FNBP1: variants seen among roughly 807,000 people sequenced by gnomAD.
The protein encoded by FNBP1 is formin-binding protein 1.
A neutral mutation model predicts 90.6 loss-of-function variants in FNBP1; 26 were observed. That is an observed-to-expected ratio of 0.29 (90% CI 0.21 to 0.40). The LOEUF is 0.40. FNBP1 is among the 10% of genes least tolerant of loss of function. FNBP1 has a pLI of 1.00. For synonymous variants in FNBP1, 260 were observed against 265.2 expected (o/e 0.98, Z 0.19); for missense variants, 635 against 768.0 (o/e 0.83, Z 2.05).
chr9:129,988,914 G>GA (rs556201300), intron 2 of FNBP1, among the ~76,000 whole-genome samples: 1 of 151,860 alleles, frequency 6.6e-6, no homozygotes, highest in Admixed American at 6.6e-5. Flanking sequence ...CTGCAATGCA[G>GA]AAAAAAAATA....
rs558390436 is a variant in FNBP1, at chr9:129,890,370, G to T, written c.*169C>A. The T allele has an allele frequency of 3.2e-6, 2 of 623,858 alleles. No individual in the cohort carries two copies. The highest frequency in any genetic ancestry group is 5.7e-6 in the Non-Finnish European group (2 of 349,644). The allele number at this position is 623,858 out of a possible 1,614,324, so 38.6% of individuals were successfully genotyped here. ...CCCCACGAGGTGGCCCGGGCTGGGCGGGAGGGCAGGGCCGCAGGGAGCATG... is the reference window on the plus strand; with the variant it reads ...CCCCACGAGGTGGCCCGGGCTGGGCTGGAGGGCAGGGCCGCAGGGAGCATG... On this transcript the variant is annotated 3_prime_UTR_variant, in exon 17 of 17. Coordinates refer to ENST00000446176, the MANE Select transcript of FNBP1 (RefSeq NM_015033.3). This position sits in a 1 kb window ranked among gnomAD's most constrained non-coding sequence, Gnocchi z 5.8.
Position 129,909,734 on chromosome 9 carries a change from C to T in FNBP1, c.1186-735G>A, listed in dbSNP as rs143635647. Among the ~76,000 whole-genome samples, 109 of 152,302 alleles carry T rather than the reference C, an allele frequency of 7.2e-4. 1 individual carries two copies. The East Asian group carries it at 9.3e-3, about 13-fold the overall frequency. On this transcript the variant is annotated intron_variant, in intron 11 of 16. Coordinates refer to ENST00000446176, the MANE Select transcript of FNBP1 (RefSeq NM_015033.3). ...TGCCACCCAGGTTCAAGCGATTCTC[C>T]TGCCTCAGCCTCCTAAGTAGCTGGG...
intron 4 of FNBP1, among the ~76,000 whole-genome samples, chr9:129,959,813 A>T (rs2047518892): frequency 6.6e-6 from 1 of 151,950 alleles, no homozygotes; most frequent in Non-Finnish European, 1.5e-5. Flanking sequence ...ACCTGTACCC[A>T]CTAGCCGTCA....
rs1489008495 is a variant in FNBP1, at chr9:129,887,496, CTGGAAA to C, written c.*3037_*3042del. On this transcript the variant is annotated 3_prime_UTR_variant, in exon 17 of 17. Transcript: ENST00000446176. ...AATAAGAAACATGAAACCAATATTT[CTGGAAA>C]AACACTTAGCATGAACGTCACTTTT... 1 of 203,928 alleles carries C rather than the reference CTGGAAA, an allele frequency of 4.9e-6. No homozygotes were observed. The highest frequency in any genetic ancestry group is 1.0e-5 in the Non-Finnish European group (1 of 99,504). The allele number at this position is 203,928 out of a possible 1,614,324, so 12.6% of individuals were successfully genotyped here.
Position 129,941,579 on chromosome 9 carries a change from C to T in FNBP1, c.514-11884G>A, listed in dbSNP as rs1010651968. ...TTCCCAGGCTCAAGCAATGATCCTGCCTCAGCCTCCTGAGTAGATGGGACG... is the reference window on the plus strand; with the variant it reads ...TTCCCAGGCTCAAGCAATGATCCTGTCTCAGCCTCCTGAGTAGATGGGACG... On this transcript the variant is annotated intron_variant, in intron 6 of 16. Coordinates refer to ENST00000446176, the MANE Select transcript of FNBP1 (RefSeq NM_015033.3). Among the ~76,000 whole-genome samples the T allele has an allele frequency of 1.7e-4, 26 of 152,234 alleles. 1 individual carries two copies. The highest frequency in any genetic ancestry group is 6.8e-3 in the Middle Eastern group (2 of 294).
intron 4 of FNBP1, among the ~76,000 whole-genome samples, chr9:129,967,151 G>A (rs1459073421): frequency 1.3e-5 from 2 of 152,194 alleles, no homozygotes; most frequent in Non-Finnish European, 1.5e-5. Context: ...AAGAAAAGGT[G>A]TCCCATTTAT....
chr9:130,038,975 T>C (rs1005159421), intron 1 of FNBP1, among the ~76,000 whole-genome samples: 3 of 152,186 alleles, frequency 2.0e-5, no homozygotes, highest in African/African-American at 7.2e-5. Flanking sequence ...AACCTGTCAC[T>C]TCCCTCAGTA....
chr9:130,043,418 G>C (rs1009669918), upstream of FNBP1, among the ~76,000 whole-genome samples: 2 of 152,214 alleles, frequency 1.3e-5, no homozygotes, highest in African/African-American at 2.4e-5. Context: ...CTGCCAATCT[G>C]GTAATGACTT....
intron 12 of FNBP1, among the ~76,000 whole-genome samples, chr9:129,906,691 G>A (rs2038119520): frequency 6.6e-6 from 1 of 152,132 alleles, no homozygotes; most frequent in South Asian, 2.1e-4. Context: ...ATGAGAATGG[G>A]CTAATACAGT....
At chr9:130,016,150 T>C (rs1379012886) in intron 1 of FNBP1, among the ~76,000 whole-genome samples, 1 of 152,220 alleles carries the variant, frequency 6.6e-6, no homozygotes, top group Non-Finnish European at 1.5e-5. Flanking sequence ...TTATATATTA[T>C]TGTTACAGAC....
chr9:129,960,479 A>C (rs1205807083), intron 4 of FNBP1, among the ~76,000 whole-genome samples: 1 of 151,954 alleles, frequency 6.6e-6, no homozygotes, highest in African/African-American at 2.4e-5. Context: ...TTTTGTGTGC[A>C]TGGCTGTTTT....
Position 129,916,293 on chromosome 9 carries a change from T to G in FNBP1, c.1171-313A>C, listed in dbSNP as rs184878816. The G allele has an allele frequency of 6.7e-5, 21 of 312,414 alleles. No homozygotes were observed. In the East Asian group the frequency reaches 1.2e-3, roughly 18 times the overall value. The allele number at this position is 312,414 out of a possible 1,614,324, so 19.4% of individuals were successfully genotyped here. On this transcript the variant is annotated intron_variant, in intron 10 of 16. Transcript: ENST00000446176. The stretch of plus-strand genomic sequence containing the variant: ...AGCCTAGATGTAAATTAAAGTAAGC[T>G]TATAGTCAGTGACACATAATGACTA...
intron 12 of FNBP1, 51 bp downstream of exon 12, chr9:129,908,839 C>T: frequency 1.6e-6 from 2 of 1,213,660 alleles, no homozygotes; most frequent in Non-Finnish European, 2.4e-6. Flanking sequence ...AGGTTGTGAG[C>T]CACTGCGCCT....
chr9:129,991,225 T>C (rs1230805916), intron 2 of FNBP1, among the ~76,000 whole-genome samples: 1 of 151,596 alleles, frequency 6.6e-6, no homozygotes, highest in Non-Finnish European at 1.5e-5. Flanking sequence ...CCAGGAAGGA[T>C]GCAGCTACCC....
At position 129,900,511 on chromosome 9, in the gene FNBP1, G is replaced by A. The variant is rs367878072; in HGVS notation, c.1465C>T (p.Arg489Cys). The A allele has an allele frequency of 1.8e-5, 28 of 1,591,472 alleles. No individual in the cohort carries two copies. Among genetic ancestry groups the A allele is most frequent in the Middle Eastern group, 1.8e-4 (1 of 5,580 alleles). The change falls in exon 14 of 17, where the codon CGC (arginine) becomes TGC (cysteine). Residue 489 changes from arginine (R) to cysteine (C), a missense_variant. Arg to Cys is a radical substitution (Grantham distance 180, BLOSUM62 -3). Transcript: ENST00000446176. This position sits in a 1 kb window ranked among gnomAD's most constrained non-coding sequence, Gnocchi z 4.1. ...CTCTGCCGGCGCGCCTGCTCGCTGC[G>A]TGCTGGGAGCCGGCCTTCAACCTCA... ...LAEVEGRLPARSEQARRQSGL... is the reference protein window; with the variant it reads ...LAEVEGRLPACSEQARRQSGL...
chr9:130,035,031 C>T (rs2059184099), intron 1 of FNBP1, among the ~76,000 whole-genome samples: 2 of 152,154 alleles, frequency 1.3e-5, no homozygotes, highest in South Asian at 4.1e-4. Context: ...TGCCTGTAAT[C>T]CCAGCTACTT....
chr9:129,990,362 A>G (rs559621637), intron 2 of FNBP1, among the ~76,000 whole-genome samples: 1 of 152,312 alleles, frequency 6.6e-6, no homozygotes, highest in Non-Finnish European at 1.5e-5. Context: ...GGCCTCACTG[A>G]GCAGAAACTG....
At chr9:129,990,052 G>A (rs866885035) in intron 2 of FNBP1, among the ~76,000 whole-genome samples, 2 of 151,984 alleles carry the variant, frequency 1.3e-5, no homozygotes, top group East Asian at 1.9e-4. Context: ...GAGGGGAGGG[G>A]AGGGGTTGCT....
chr9:129,972,112 C>T (rs2049544162), intron 4 of FNBP1, among the ~76,000 whole-genome samples: 1 of 152,120 alleles, frequency 6.6e-6, no homozygotes, highest in African/African-American at 2.4e-5. Flanking sequence ...TTTCCTATGC[C>T]ATCAACCAAT....
Sources: allele counts gnomAD v4.1 joint callset (sites outside exome capture counted in the v4.1 genomes callset), GRCh38; gene constraint gnomAD v4.1.1; non-coding constraint Gnocchi (gnomAD v3.1); transcripts MANE v1.5; gene names NCBI Gene and HGNC (gene_info 2026-07-23, HGNC 2026-07-21).